DNAI4: variants seen among roughly 807,000 people sequenced by gnomAD.
DNAI4 encodes the protein WD repeat domain 78.
DNAI4 carries 85 observed loss-of-function variants against 105.8 expected under a neutral mutation model. The observed-to-expected ratio is 0.80, with a 90% CI of 0.67 to 0.96. DNAI4 has a LOEUF of 0.96. Among genes scored for constraint, DNAI4 ranks in the 40% least tolerant of loss-of-function variants. DNAI4 has a pLI of 0.00. For synonymous variants in DNAI4, 352 were observed against 331.5 expected (o/e 1.06, Z -0.67); for missense variants, 1,014 against 1,005.6 (o/e 1.01, Z -0.11).
intron 2 of DNAI4, among the ~76,000 whole-genome samples, chr1:66,901,778 T>C (rs909754072): frequency 6.6e-6 from 1 of 152,210 alleles, no homozygotes; most frequent in African/African-American, 2.4e-5. Context: ...GGAATCACGA[T>C]ACTGTTTTTC....
At chr1:66,849,890 GA>G (rs1000204242) in intron 7 of DNAI4, among the ~76,000 whole-genome samples, 26 of 151,940 alleles carry the variant, frequency 1.7e-4, no homozygotes, top group African/African-American at 6.0e-4. Flanking sequence ...AGAAAAGTCT[GA>G]AAAAAATGAA....
At chr1:66,827,067 C>A in intron 14 of DNAI4, 21 bp from the exon 15 acceptor site, 1 of 1,535,058 alleles carries the variant, frequency 6.5e-7, no homozygotes, top group Non-Finnish European at 8.9e-7. Context: ...AAAAAAAATA[C>A]ATAGGTAAAT....
At chr1:66,909,400 C>T (rs1281028763) in intron 1 of DNAI4, among the ~76,000 whole-genome samples, 1 of 151,672 alleles carries the variant, frequency 6.6e-6, no homozygotes, top group Non-Finnish European at 1.5e-5. Flanking sequence ...GTCCAATCAC[C>T]TCCACAATAC....
intron 16 of DNAI4, 131 bp from the exon 17 acceptor site, chr1:66,814,311 A>G: frequency 1.5e-6 from 1 of 647,630 alleles, no homozygotes; most frequent in Admixed American, 3.1e-5. Context: ...AAGGGAAACA[A>G]GCAAAGGTAA....
In DNAI4 at chr1:66,816,727, TCACACACACACA is replaced by T. The variant is rs57920483; in HGVS notation, c.2497-2559_2497-2548del. Among the ~76,000 whole-genome samples the T allele has an allele frequency of 9.4e-3, 1,295 of 137,728 alleles. 15 individuals carry two copies. Among genetic ancestry groups the T allele is most frequent in the African/African-American group, 0.024 (889 of 37,014 alleles). 90.4% of individuals were successfully genotyped at this position (137,728 alleles called of 152,430 possible). Reference sequence around the variant, plus strand: ...AAAATTATTCTTACCAGCCTTGAAATCACACACACACACACACACACACACACACACACACAC... The same window carrying T: ...AAAATTATTCTTACCAGCCTTGAAATCACACACACACACACACACACACAC... On this transcript the variant is annotated intron_variant, in intron 16 of 16. Transcript: ENST00000371026.
At chr1:66,880,348 G>T (rs1157795999) in intron 4 of DNAI4, among the ~76,000 whole-genome samples, 1 of 152,176 alleles carries the variant, frequency 6.6e-6, no homozygotes, top group Non-Finnish European at 1.5e-5. Flanking sequence ...CTCAGAAGAA[G>T]ACAGGAAAAT....
At chr1:66,907,862 T>C (rs1314944790) in intron 1 of DNAI4, among the ~76,000 whole-genome samples, 1 of 152,192 alleles carries the variant, frequency 6.6e-6, no homozygotes, top group Admixed American at 6.5e-5. Flanking sequence ...GCATTTCCTA[T>C]TTTTCCAGCT....
chr1:66,877,459 T>G lies in DNAI4; in HGVS notation c.644-2522A>C, dbSNP rs183325661. Reference sequence around the variant, plus strand: ...TAATTGCTTGGACTTACCTCTAGACTTTTTTTCAACATTTGGTAAACTTTG... The same window carrying G: ...TAATTGCTTGGACTTACCTCTAGACGTTTTTTCAACATTTGGTAAACTTTG... On this transcript the variant is annotated intron_variant, in intron 4 of 16. Transcript: ENST00000371026. Among the ~76,000 whole-genome samples, 55 of 150,102 alleles carry G rather than the reference T, an allele frequency of 3.7e-4. No individual in the cohort carries two copies. In the East Asian group the frequency reaches 0.01, roughly 28 times the overall value.
intron 3 of DNAI4, among the ~76,000 whole-genome samples, chr1:66,893,025 A>AGAGAG (rs1647874364): frequency 2.8e-5 from 4 of 141,830 alleles, no homozygotes; most frequent in African/African-American, 1.1e-4. Flanking sequence ...AAAGAAAGAA[A>AGAGAG]GAAAGAGAGG....
intron 8 of DNAI4, among the ~76,000 whole-genome samples, chr1:66,841,200 AGT>A (rs1557914510): frequency 6.6e-6 from 1 of 152,218 alleles, no homozygotes; most frequent in Non-Finnish European, 1.5e-5. Context: ...TTAATGTGCT[AGT>A]GTGTTATCTT....
intron 9 of DNAI4, among the ~76,000 whole-genome samples, chr1:66,838,216 C>T (rs1646071742): frequency 6.6e-6 from 1 of 152,106 alleles, no homozygotes; most frequent in South Asian, 2.1e-4. Context: ...ATGTTGAAGG[C>T]CTAACCTCCA....
At chr1:66,923,127 A>G (rs2100919755) in intron 1 of DNAI4, among the ~76,000 whole-genome samples, 1 of 152,366 alleles carries the variant, frequency 6.6e-6, no homozygotes. Flanking sequence ...ATACACAAAT[A>G]CTTAGCATTG....
chr1:66,882,529 T>G (rs1458070094), intron 4 of DNAI4, among the ~76,000 whole-genome samples: 1 of 152,190 alleles, frequency 6.6e-6, no homozygotes, highest in Admixed American at 6.5e-5. Flanking sequence ...TCTCTCTTTT[T>G]TTTTGCATAT....
At chr1:66,863,337 A>G (rs2100613595) in intron 6 of DNAI4, among the ~76,000 whole-genome samples, 1 of 152,364 alleles carries the variant, frequency 6.6e-6, no homozygotes, top group African/African-American at 2.4e-5. Flanking sequence ...ATGTGGATCT[A>G]ATAAATGCAG....
chr1:66,836,329 AAAGAGG>A, intron 10 of DNAI4, among the ~76,000 whole-genome samples: 1 of 151,036 alleles, frequency 6.6e-6, no homozygotes, highest in African/African-American at 2.4e-5. Context: ...AGAAAGAAGG[AAAGAGG>A]GAAGGAAGGG....
intron 4 of DNAI4, among the ~76,000 whole-genome samples, chr1:66,877,861 T>G (rs1040111949): frequency 1.3e-5 from 2 of 152,192 alleles, no homozygotes; most frequent in African/African-American, 4.8e-5. Flanking sequence ...TAAACAAGTG[T>G]TATGGGTTTC....
At chr1:66,867,705 T>C (rs534866817) in intron 6 of DNAI4, among the ~76,000 whole-genome samples, 3 of 152,346 alleles carry the variant, frequency 2.0e-5, no homozygotes, top group African/African-American at 7.2e-5. Flanking sequence ...TTTTTTTTAG[T>C]TGATATTCCT....
chr1:66,860,495 A>T (rs1384666179), intron 7 of DNAI4, among the ~76,000 whole-genome samples: 1 of 151,370 alleles, frequency 6.6e-6, no homozygotes, highest in Non-Finnish European at 1.5e-5. Context: ...TTTGTTACCT[A>T]TTTTTTTCTA....
In DNAI4 at chr1:66,847,679, C is replaced by A; in HGVS notation, c.1097-1G>T. 1 of 1,584,892 alleles carries A rather than the reference C, an allele frequency of 6.3e-7. No homozygotes were observed. Among genetic ancestry groups the A allele is most frequent in the Non-Finnish European group, 8.6e-7 (1 of 1,161,958 alleles). On this transcript the variant is annotated splice_acceptor_variant, in intron 7 of 16. Coordinates refer to ENST00000371026, the MANE Select transcript of DNAI4 (RefSeq NM_024763.5). LOFTEE classifies it high-confidence loss of function. Reference sequence around the variant, plus strand: ...TCCATTAGAGAACTAGTTTCACTATCTACAAAATACAAACATGATACAATG... The same window carrying A: ...TCCATTAGAGAACTAGTTTCACTATATACAAAATACAAACATGATACAATG...
Sources: gnomAD v4.1 joint callset for allele counts (sites outside exome capture counted in the v4.1 genomes callset) on GRCh38, gnomAD v4.1.1 for gene constraint, MANE v1.5 for transcripts, NCBI Gene and HGNC (gene_info 2026-07-23, HGNC 2026-07-21) for gene names.